The following SYT4 variants were observed in gnomAD, a reference collection of about 807,000 sequenced individuals.
SYT4 encodes the protein synaptotagmin-4.
Under a neutral mutation model 32.9 loss-of-function variants are expected in SYT4, and 7 were observed. That is an observed-to-expected ratio of 0.21 (90% CI 0.12 to 0.40). The LOEUF (loss-of-function observed/expected upper bound fraction) is 0.40. Ranked by LOEUF, SYT4 falls within the 10% of genes least tolerant of loss-of-function variation. The pLI is 1.00. For synonymous variants in SYT4, 205 were observed against 186.2 expected, an observed-to-expected ratio of 1.10 and a Z score of -0.82; for missense variants, 480 against 488.0, an observed-to-expected ratio of 0.98 and a Z score of 0.16.
At position 43,268,200 on chromosome 18, in the gene SYT4, A is replaced by T. The variant is rs879243900; in HGVS notation, c.*2141T>A. 6.6e-6 allele frequency: 1 copy of T among 152,498 alleles called. No homozygotes were observed. Among genetic ancestry groups the T allele is most frequent in the Admixed American group, 6.6e-5 (1 of 15,254 alleles). 9.4% of individuals were successfully genotyped at this position (152,498 alleles called of 1,614,324 possible). ...ATTGTAATACATTCTAAAACAGTAC[A>T]TTTTCAGAAATGATGAAATTAGGTA... On this transcript the variant is annotated 3_prime_UTR_variant, in exon 4 of 4. Transcript: ENST00000255224.
rs1176068929 is a variant in SYT4 at position 43,277,349 on chromosome 18, C to A, written c.-68G>T. The A allele has an allele frequency of 3.1e-6, 5 of 1,599,558 alleles. No individual in the cohort carries two copies. The African/African-American group carries it at 5.4e-5, about 17-fold the overall frequency. ...CCTGGCTGGATTCACTTGCCTGGAT[C>A]TCAAGCGCCGGCTTTCGGAGCGCTG... On this transcript the variant is annotated 5_prime_UTR_variant, in exon 1 of 4. Coordinates refer to ENST00000255224, the MANE Select transcript of SYT4 (RefSeq NM_020783.4).
At chr18:43,271,579 C>T (rs1040697530) in intron 3 of SYT4, 133 bp downstream of exon 3, 1 of 1,226,570 alleles carries the variant, frequency 8.2e-7, no homozygotes, top group African/African-American at 1.5e-5. Context: ...AGTCATAAAA[C>T]TAAAAGCTAA....
In SYT4 at chr18:43,277,288, C is replaced by T; in HGVS notation, c.-7G>A. 6.2e-7 allele frequency: 1 copy of T among 1,614,022 alleles called. No individual in the cohort carries two copies. Among genetic ancestry groups the T allele is most frequent in the Non-Finnish European group, 8.5e-7 (1 of 1,179,956 alleles). On this transcript the variant is annotated 5_prime_UTR_variant, in exon 1 of 4. Coordinates refer to ENST00000255224, the MANE Select transcript of SYT4 (RefSeq NM_020783.4). ...TGGTGGTGATCGGAGCCATTTTTTACTGCGTGTTCTGTCCGAGGTGCTGAA... is the reference window on the plus strand; with the variant it reads ...TGGTGGTGATCGGAGCCATTTTTTATTGCGTGTTCTGTCCGAGGTGCTGAA...
At chr18:43,274,529 A>G in intron 1 of SYT4, 135 bp from the exon 2 acceptor site, 1 of 640,700 alleles carries the variant, frequency 1.6e-6, no homozygotes, top group Non-Finnish European at 2.5e-6. Flanking sequence ...TCTGGGTATG[A>G]GTTAAGTGTA....
chr18:43,268,646 G>A lies in SYT4; in HGVS notation c.*1695C>T, dbSNP rs1908530449. On this transcript the variant is annotated 3_prime_UTR_variant, in exon 4 of 4. Transcript: ENST00000255224. ...CATGTTGCTTTCACAGAGATGCCGA[G>A]TGGAGCAAGATGCTGTGAGGTGACT... 6.6e-6 allele frequency: 1 copy of A among 152,574 alleles called. No homozygotes were observed. The allele number at this position is 152,574 out of a possible 1,614,324, so 9.5% of individuals were successfully genotyped here.
intron 1 of SYT4, among the ~76,000 whole-genome samples, chr18:43,276,484 T>C (rs549680146): frequency 1.1e-4 from 16 of 152,320 alleles, no homozygotes; most frequent in African/African-American, 3.6e-4. Context: ...TTTTTTACTC[T>C]ATGAAGTACG....
At chr18:43,271,626 T>C (rs1908632616) in intron 3 of SYT4, 86 bp downstream of exon 3, 3 of 1,535,134 alleles carry the variant, frequency 2.0e-6, no homozygotes, top group Middle Eastern at 1.7e-4. Context: ...AGAGAAAAGA[T>C]AGAAGAGTAA....
At chr18:43,271,021 G>T (rs16977441) in intron 3 of SYT4, among the ~76,000 whole-genome samples, 13,591 of 152,134 alleles carry the variant, frequency 0.089, 1,093 homozygotes, top group East Asian at 0.4. Context: ...TAGCTTTACT[G>T]ACTTGTATGA....
intron 2 of SYT4, among the ~76,000 whole-genome samples, chr18:43,273,002 T>G (rs1032632820): frequency 3.9e-5 from 6 of 152,152 alleles, no homozygotes; most frequent in Admixed American, 3.9e-4. Flanking sequence ...TGTCTTACTA[T>G]TTTCTAATAA....
chr18:43,274,785 G>T (rs1908742183), intron 1 of SYT4, among the ~76,000 whole-genome samples: 1 of 152,070 alleles, frequency 6.6e-6, no homozygotes, highest in African/African-American at 2.4e-5. Flanking sequence ...AGGCTTTCCA[G>T]AGCATCACTT....
At chr18:43,272,320 C>T (rs150739316) in intron 2 of SYT4, among the ~76,000 whole-genome samples, 8 of 151,996 alleles carry the variant, frequency 5.3e-5, no homozygotes, top group Non-Finnish European at 4.4e-5. Flanking sequence ...TGAACTCAGA[C>T]CCAGTGAGAA....
At chr18:43,274,468 T>C (rs1908732050) in intron 1 of SYT4, 74 bp from the exon 2 acceptor site, 3 of 1,213,292 alleles carry the variant, frequency 2.5e-6, no homozygotes, top group Admixed American at 2.7e-5. Flanking sequence ...AAAAGCCTAA[T>C]AGAGCTAGCA....
intron 1 of SYT4, among the ~76,000 whole-genome samples, chr18:43,274,611 T>C (rs1418707735): frequency 6.6e-6 from 1 of 152,188 alleles, no homozygotes; most frequent in Admixed American, 6.5e-5. Flanking sequence ...AATTCCTTCA[T>C]TTCAGTGGTT....
chr18:43,273,375 T>A (rs1908688904), intron 2 of SYT4, among the ~76,000 whole-genome samples: 1 of 152,126 alleles, frequency 6.6e-6, no homozygotes, highest in Non-Finnish European at 1.5e-5. Context: ...TTTACATCAT[T>A]AAAACACTTT....
chr18:43,275,407 C>T (rs1908761821), intron 1 of SYT4, among the ~76,000 whole-genome samples: 1 of 152,058 alleles, frequency 6.6e-6, no homozygotes, highest in African/African-American at 2.4e-5. Flanking sequence ...TACATCTATA[C>T]ATAGTGAATC....
chr18:43,274,672 G>A (rs1459885519), intron 1 of SYT4, among the ~76,000 whole-genome samples: 1 of 152,110 alleles, frequency 6.6e-6, no homozygotes, highest in Non-Finnish European at 1.5e-5. Flanking sequence ...AGATATGGGG[G>A]AATGCTTAAT....
Position 43,270,247 on chromosome 18 carries a change from G to A in SYT4, c.*94C>T, listed in dbSNP as rs1598663202. The stretch of plus-strand genomic sequence containing the variant: ...CAACAACAACAACAACAAAAAGGTA[G>A]CTTGATTTCCCAAGCTTGCAATCCA... On this transcript the variant is annotated 3_prime_UTR_variant, in exon 4 of 4. Coordinates refer to ENST00000255224, the MANE Select transcript of SYT4 (RefSeq NM_020783.4). 2 of 1,346,084 alleles carry A rather than the reference G, an allele frequency of 1.5e-6. No homozygotes were observed. Among genetic ancestry groups the A allele is most frequent in the Non-Finnish European group, 1.0e-6 (1 of 980,018 alleles). 83.4% of individuals were successfully genotyped at this position (1,346,084 alleles called of 1,614,324 possible).
intron 1 of SYT4, among the ~76,000 whole-genome samples, chr18:43,276,880 C>T (rs1598665894): frequency 6.6e-6 from 1 of 152,048 alleles, no homozygotes; most frequent in South Asian, 2.1e-4. Flanking sequence ...TTTATCTTCT[C>T]CTAATAAAAT....
In SYT4 at chr18:43,270,511, T is replaced by C; in HGVS notation, c.1108A>G (p.Ile370Val). 2 of 1,614,062 alleles carry C rather than the reference T, an allele frequency of 1.2e-6. No individual in the cohort carries two copies. The highest frequency in any genetic ancestry group is 2.2e-5 in the East Asian group (1 of 44,852). Residue 370 changes from isoleucine (I) to valine (V), a missense_variant, in exon 4 of 4, where the codon ATA becomes GTA. Ile to Val is a conservative substitution (Grantham distance 29). Transcript: ENST00000255224. Reference sequence around the variant, plus strand: ...TCCAAAACCAAAAATTCAACACTTATATCTTCAAGGCCCTCACAAGGAATA... The same window carrying C: ...TCCAAAACCAAAAATTCAACACTTACATCTTCAAGGCCCTCACAAGGAATA... ...FDIPCEGLED[I>V]SVEFLVLDSE...
Sources: allele counts gnomAD v4.1 joint callset (sites outside exome capture counted in the v4.1 genomes callset), GRCh38; gene constraint gnomAD v4.1.1; transcripts MANE v1.5; gene names NCBI Gene and HGNC (gene_info 2026-07-23, HGNC 2026-07-21).